Variants in LRFN2 observed in about 807,000 individuals in gnomAD.
LRFN2 encodes the protein leucine-rich repeat and fibronectin type-III domain-containing protein 2.
LRFN2 carries 18 observed loss-of-function variants against 37.3 expected under a neutral mutation model. The ratio of observed to expected loss-of-function variants is 0.48; its 90% CI spans 0.33 to 0.72. LRFN2 has a LOEUF of 0.72. LRFN2 is among the 30% of genes least tolerant of loss of function. LRFN2 has a pLI of 0.02. For synonymous variants in LRFN2, 556 were observed against 466.6 expected (o/e 1.19, Z -2.47); for missense variants, 1,006 against 1,060.7 (o/e 0.95, Z 0.72).
chr6:40,563,077 C>T (rs1375966366), intron 1 of LRFN2, among the ~76,000 whole-genome samples: 1 of 152,116 alleles, frequency 6.6e-6, no homozygotes, highest in Non-Finnish European at 1.5e-5. Flanking sequence ...TGGTTTTCAG[C>T]CTTACCCATG....
Position 40,430,248 on chromosome 6 carries a change from C to T in LRFN2, c.1400+1466G>A, listed in dbSNP as rs180795913. On this transcript the variant is annotated intron_variant, in intron 2 of 2. Transcript: ENST00000338305. The stretch of plus-strand genomic sequence containing the variant: ...TAAGGGGAGTTCCCCAGCTCTGCTA[C>T]GGTTTCCACAACATACCCACCCTCA... Among the ~76,000 whole-genome samples, 31 of 152,322 alleles carry T rather than the reference C, an allele frequency of 2.0e-4. 1 individual carries two copies. The highest frequency in any genetic ancestry group is 4.2e-4 in the South Asian group (2 of 4,812).
At chr6:40,446,455 A>G (rs1481065512) in intron 1 of LRFN2, among the ~76,000 whole-genome samples, 1 of 152,204 alleles carries the variant, frequency 6.6e-6, no homozygotes, top group Non-Finnish European at 1.5e-5. Flanking sequence ...TGATCATTAC[A>G]GGCTTTTTAG....
rs531681053 is a variant in LRFN2 at position 40,551,351 on chromosome 6, G to A, written c.-19+35590C>T. On this transcript the variant is annotated intron_variant, in intron 1 of 2. Coordinates refer to ENST00000338305, the MANE Select transcript of LRFN2 (RefSeq NM_020737.3). ...ATATAGACATGAGGCCAGGGAGGAC[G>A]TCAGCTCGAGGAGGACAAAGCCAGT... Among the ~76,000 whole-genome samples the A allele has an allele frequency of 1.5e-3, 233 of 152,286 alleles. 2 individuals are homozygous for A. Among genetic ancestry groups the A allele is most frequent in the African/African-American group, 5.1e-3 (212 of 41,554 alleles).
rs569362173 is a variant in LRFN2 at position 40,443,157 on chromosome 6, C to T, written c.-18-10026G>A. Among the ~76,000 whole-genome samples, 57 of 152,248 alleles carry T rather than the reference C, an allele frequency of 3.7e-4. No individual in the cohort carries two copies. The South Asian group carries it at 4.8e-3, about 13-fold the overall frequency. On this transcript the variant is annotated intron_variant, in intron 1 of 2. Coordinates refer to ENST00000338305, the MANE Select transcript of LRFN2 (RefSeq NM_020737.3). The stretch of plus-strand genomic sequence containing the variant: ...TAGACAAAGGGATCCCACGTGGTAC[C>T]GGCAAGGTTTGGTCTATCCTTGGCT...
At chr6:40,577,083 C>CTT (rs1472520745) in intron 1 of LRFN2, among the ~76,000 whole-genome samples, 3 of 54,200 alleles carry the variant, frequency 5.5e-5, no homozygotes, top group Non-Finnish European at 1.2e-4. Context: ...GGCCCATTTT[C>CTT]TTTTCTTTTC....
At chr6:40,415,510 G>T (rs1025119842) in intron 2 of LRFN2, among the ~76,000 whole-genome samples, 1 of 152,174 alleles carries the variant, frequency 6.6e-6, no homozygotes, top group Non-Finnish European at 1.5e-5. Context: ...ACAGGCATGA[G>T]CCACGCACCC....
chr6:40,559,157 G>A (rs925553514), intron 1 of LRFN2, among the ~76,000 whole-genome samples: 5 of 152,070 alleles, frequency 3.3e-5, no homozygotes, highest in African/African-American at 9.7e-5. Context: ...GTGGGGGTGA[G>A]AGAGGCTACT....
At chr6:40,443,001 T>C (rs1210015917) in intron 1 of LRFN2, among the ~76,000 whole-genome samples, 2 of 146,982 alleles carry the variant, frequency 1.4e-5, no homozygotes, top group Non-Finnish European at 3.0e-5. Context: ...AATCTTAGGA[T>C]TCTAATAACC....
intron 1 of LRFN2, among the ~76,000 whole-genome samples, chr6:40,566,385 T>C (rs552650445): frequency 2.4e-4 from 36 of 152,330 alleles, no homozygotes; most frequent in Admixed American, 2.4e-3. Context: ...CATTACTGGG[T>C]ATATACCCAA....
At chr6:40,478,401 G>A (rs2113861764) in intron 1 of LRFN2, among the ~76,000 whole-genome samples, 1 of 152,282 alleles carries the variant, frequency 6.6e-6, no homozygotes. Context: ...CAAGCTCTAA[G>A]CCCCTTATAC....
intron 2 of LRFN2, among the ~76,000 whole-genome samples, chr6:40,411,699 C>T (rs1201916124): frequency 6.6e-6 from 1 of 152,032 alleles, no homozygotes; most frequent in Non-Finnish European, 1.5e-5. Flanking sequence ...CTCAGTCCAG[C>T]TCCCCTTCAA....
chr6:40,402,327 G>C (rs1421928422), intron 2 of LRFN2, among the ~76,000 whole-genome samples: 1 of 152,200 alleles, frequency 6.6e-6, no homozygotes, highest in Non-Finnish European at 1.5e-5. Context: ...AAGTGGCTGA[G>C]CCAGGTCTGC....
intron 1 of LRFN2, among the ~76,000 whole-genome samples, chr6:40,573,715 C>G (rs927683914): frequency 6.6e-6 from 1 of 152,174 alleles, no homozygotes; most frequent in Non-Finnish European, 1.5e-5. Context: ...CAGTGGCTCA[C>G]GCCTGTAATC....
intron 1 of LRFN2, among the ~76,000 whole-genome samples, chr6:40,523,004 C>A (rs1291629945): frequency 6.6e-6 from 1 of 152,206 alleles, no homozygotes; most frequent in African/African-American, 2.4e-5. Context: ...GTTAGCAAAT[C>A]TGCCATCAGA....
intron 1 of LRFN2, among the ~76,000 whole-genome samples, chr6:40,436,402 C>A (rs994167587): frequency 6.6e-6 from 1 of 152,184 alleles, no homozygotes; most frequent in East Asian, 1.9e-4. Context: ...TGAGCCATTG[C>A]TGCATATAAC....
intron 1 of LRFN2, among the ~76,000 whole-genome samples, chr6:40,583,911 C>T (rs556719270): frequency 1.3e-5 from 2 of 152,248 alleles, no homozygotes; most frequent in East Asian, 1.9e-4. Flanking sequence ...ACATTCAAAC[C>T]TCAGACAGGA....
intron 1 of LRFN2, among the ~76,000 whole-genome samples, chr6:40,558,837 A>G (rs1468490156): frequency 6.6e-6 from 1 of 152,214 alleles, no homozygotes; most frequent in Non-Finnish European, 1.5e-5. Flanking sequence ...CAAAGAGGTT[A>G]TGTAACCTAC....
intron 2 of LRFN2, among the ~76,000 whole-genome samples, chr6:40,404,330 G>GTT (rs954471799): frequency 6.6e-6 from 1 of 151,692 alleles, no homozygotes; most frequent in Non-Finnish European, 1.5e-5. Context: ...TTCACTGATA[G>GTT]TTTCCCAACA....
chr6:40,421,002 A>G (rs1445674220), intron 2 of LRFN2, among the ~76,000 whole-genome samples: 1 of 152,168 alleles, frequency 6.6e-6, no homozygotes, highest in Non-Finnish European at 1.5e-5. Flanking sequence ...AGGCTGAGGA[A>G]GCTGGGGTAT....
Sources: allele counts gnomAD v4.1 joint callset (sites outside exome capture counted in the v4.1 genomes callset), GRCh38; gene constraint gnomAD v4.1.1; transcripts MANE v1.5; gene names NCBI Gene and HGNC (gene_info 2026-07-23, HGNC 2026-07-21).